CYB5R3: variants seen among roughly 807,000 people sequenced by gnomAD.
CYB5R3 encodes the protein cytochrome b5 reductase 3, also known as NADH-cytochrome b5 reductase 3.
In CYB5R3, 28 loss-of-function variants were observed where a neutral mutation model predicts 36.5. The observed-to-expected ratio is 0.77, with a 90% CI of 0.57 to 1.05. The LOEUF (loss-of-function observed/expected upper bound fraction) is 1.05. Ranked by LOEUF, CYB5R3 falls within the 50% of genes least tolerant of loss-of-function variation. CYB5R3 has a pLI of 0.00. For missense variants in CYB5R3, 474 were observed against 408.9 expected (o/e 1.16, Z -1.37); for synonymous variants, 181 against 159.8 (o/e 1.13, Z -1.00).
chr22:42,627,357 T>C lies in CYB5R3; in HGVS notation c.580A>G (p.Ile194Val). The change falls in exon 7 of 9, where the codon ATC becomes GTC. Residue 194 changes from isoleucine to valine, a missense_variant. Ile to Val is a conservative substitution (Grantham distance 29, BLOSUM62 3). Coordinates refer to ENST00000352397, the MANE Select transcript of CYB5R3 (RefSeq NM_000398.7). ...ITPMLQVIRA[I>V]MKDPDDHTVC... ...GTGTGGTCATCAGGGTCCTTCATGA[T>C]GGCGCGGATCACCTGCAGCATCGGG... 6.2e-7 allele frequency: 1 copy of C among 1,613,974 alleles called. No homozygotes were observed. Among genetic ancestry groups the C allele is most frequent in the Non-Finnish European group, 8.5e-7 (1 of 1,179,992 alleles).
intron 1 of CYB5R3, among the ~76,000 whole-genome samples, chr22:42,637,499 C>T (rs1385740561): frequency 3.3e-5 from 5 of 152,164 alleles, no homozygotes; most frequent in Admixed American, 2.6e-4. Flanking sequence ...GTCCCTGAGC[C>T]CTGGGGTTCT....
Position 42,627,593 on chromosome 22 carries a change from G to T in CYB5R3, c.547+12C>A, listed in dbSNP as rs185699190. The T allele has an allele frequency of 7.4e-6, 12 of 1,612,182 alleles. No homozygotes were observed. In the Admixed American group the frequency reaches 1.2e-4, roughly 16 times the overall value. ...TGAGCCGCCGGACGCCTCAGTGGGG[G>T]GTTCCGTGTACCTGTCCCTCCCGCG... On this transcript the variant is annotated intron_variant, in intron 6 of 8. Coordinates refer to ENST00000352397, the MANE Select transcript of CYB5R3 (RefSeq NM_000398.7).
At chr22:42,627,462 A>C in intron 6 of CYB5R3, 73 bp from the exon 7 acceptor site, 1 of 1,527,740 alleles carries the variant, frequency 6.5e-7, no homozygotes, top group Middle Eastern at 1.8e-4. Context: ...GCCCAGGTGT[A>C]CTGGGGTGGA....
chr22:42,623,971 T>C (rs1601929916), intron 7 of CYB5R3, 83 bp from the exon 8 acceptor site: 1 of 1,246,490 alleles, frequency 8.0e-7, no homozygotes, highest in Non-Finnish European at 1.2e-6. Context: ...CGCCTCGTCA[T>C]CGCGCCCGCC....
At position 42,649,357 on chromosome 22, in the gene CYB5R3, CCGCCGA is replaced by C; in HGVS notation, c.-48_-43del. 1.2e-6 allele frequency: 1 copy of C among 822,098 alleles called. No individual in the cohort carries two copies. Among genetic ancestry groups the C allele is most frequent in the Non-Finnish European group, 1.5e-6 (1 of 667,840 alleles). 50.9% of individuals were successfully genotyped at this position (822,098 alleles called of 1,614,324 possible). A position where few individuals can be genotyped will look rare whatever the true frequency, so the allele number is the denominator to read the frequency against. The stretch of plus-strand genomic sequence containing the variant: ...GCTCGCTCTGTCGCCGCCGCCGCCG[CCGCCGA>C]GACCGTCGCGCCCGGGCCCGCGTCA... On this transcript the variant is annotated 5_prime_UTR_variant, in exon 1 of 9. Coordinates refer to ENST00000352397, the MANE Select transcript of CYB5R3 (RefSeq NM_000398.7).
intron 7 of CYB5R3, among the ~76,000 whole-genome samples, chr22:42,625,872 A>G (rs1332940142): frequency 6.6e-6 from 1 of 152,346 alleles, no homozygotes; most frequent in East Asian, 1.9e-4. Context: ...AGATGGGGCC[A>G]CTTTCCAGAG....
At chr22:42,640,171 G>T in intron 1 of CYB5R3, 1 of 1,612,740 alleles carries the variant, frequency 6.2e-7, no homozygotes, top group Non-Finnish European at 8.5e-7. Flanking sequence ...CAGCTCAACC[G>T]TGGTGTAGTA....
chr22:42,621,119 ACTGCTAGTGTAC>A (rs1452092148), intron 8 of CYB5R3, among the ~76,000 whole-genome samples: 1 of 152,100 alleles, frequency 6.6e-6, no homozygotes, highest in Non-Finnish European at 1.5e-5. Flanking sequence ...ATGGGCATAA[ACTGCTAGTGTAC>A]AAAATGTGCA....
chr22:42,636,699 G>A lies in CYB5R3; in HGVS notation c.153+16C>T, dbSNP rs745847037. On this transcript the variant is annotated intron_variant, in intron 2 of 8. Transcript: ENST00000352397. ...GCTGTGATGCTGACGAGGCAGCGGC[G>A]GCGGCCGGCACTCACCTCCCGGTCG... The A allele has an allele frequency of 6.2e-6, 10 of 1,608,904 alleles. No individual in the cohort carries two copies. The highest frequency in any genetic ancestry group is 1.1e-5 in the South Asian group (1 of 90,894).
intron 2 of CYB5R3, chr22:42,632,847 A>T (rs1928690811): frequency 6.6e-6 from 1 of 151,934 alleles, no homozygotes; most frequent in Non-Finnish European, 1.5e-5. Context: ...AACAACATGG[A>T]GAAATCCCGT....
chr22:42,637,955 G>A (rs1173052968), intron 1 of CYB5R3, among the ~76,000 whole-genome samples: 2 of 152,174 alleles, frequency 1.3e-5, no homozygotes, highest in African/African-American at 4.8e-5. Context: ...TCTCCTGAAG[G>A]CCCTAAAAGG....
chr22:42,648,852 AC>A (rs3216441), intron 1 of CYB5R3, among the ~76,000 whole-genome samples: 20,441 of 151,674 alleles, frequency 0.13, 1,954 homozygotes, highest in East Asian at 0.58. Context: ...ACACACACAC[AC>A]CCCATCACAC....
intron 8 of CYB5R3, among the ~76,000 whole-genome samples, chr22:42,621,183 AGTGTGT>A (rs61564405): frequency 0.12 from 18,206 of 147,776 alleles, 1,785 homozygotes; most frequent in East Asian, 0.55. Flanking sequence ...ATTTCTTTTT[AGTGTGT>A]GTGTGTGTGT....
At chr22:42,640,317 A>G in intron 1 of CYB5R3, 2 of 1,499,210 alleles carry the variant, frequency 1.3e-6, no homozygotes, top group Non-Finnish European at 1.8e-6. Flanking sequence ...GGCCAGCTGA[A>G]GGTCACCCCC....
chr22:42,622,977 G>A (rs556539217), intron 8 of CYB5R3, among the ~76,000 whole-genome samples: 3 of 152,204 alleles, frequency 2.0e-5, no homozygotes, highest in Non-Finnish European at 2.9e-5. Context: ...GCCACACAGG[G>A]CTATACTCCA....
chr22:42,645,720 C>T (rs1446318794), intron 1 of CYB5R3, among the ~76,000 whole-genome samples: 1 of 152,178 alleles, frequency 6.6e-6, no homozygotes, highest in Non-Finnish European at 1.5e-5. Flanking sequence ...GGAAACCAAG[C>T]CTCAGGGGAC....
At chr22:42,622,216 G>A (rs528781240) in intron 8 of CYB5R3, among the ~76,000 whole-genome samples, 4 of 152,274 alleles carry the variant, frequency 2.6e-5, no homozygotes, top group Admixed American at 6.5e-5. Flanking sequence ...CACCGCGCCC[G>A]GCCTGCTCCT....
intron 1 of CYB5R3, chr22:42,640,099 C>G (rs765122495): frequency 6.2e-7 from 1 of 1,613,906 alleles, no homozygotes; most frequent in Non-Finnish European, 8.5e-7. Flanking sequence ...AGTCTGAGCA[C>G]TACTGACTAT....
chr22:42,631,346 C>T, intron 3 of CYB5R3, 32 bp downstream of exon 3: 1 of 1,546,210 alleles, frequency 6.5e-7, no homozygotes, highest in Non-Finnish European at 8.8e-7. Flanking sequence ...GCCTGCCGGG[C>T]TCCGAATGGG....
Sources: gnomAD v4.1 joint callset for allele counts (sites outside exome capture counted in the v4.1 genomes callset) on GRCh38, gnomAD v4.1.1 for gene constraint, MANE v1.5 for transcripts, NCBI Gene and HGNC (gene_info 2026-07-23, HGNC 2026-07-21) for gene names.